CTDSPL2: variants seen among roughly 807,000 people sequenced by gnomAD.
CTDSPL2 encodes the protein CTD small phosphatase-like protein 2.
A neutral mutation model predicts 60.0 loss-of-function variants in CTDSPL2; 5 were observed. The ratio of observed to expected loss-of-function variants is 0.08; its 90% CI spans 0.04 to 0.18. The LOEUF (loss-of-function observed/expected upper bound fraction) is 0.18, where lower values mean the gene tolerates loss of function less well. CTDSPL2 is among the 10% of genes least tolerant of loss of function. The pLI is 1.00. For missense variants in CTDSPL2, 370 were observed against 548.8 expected (o/e 0.67, Z 3.26); for synonymous variants, 186 against 189.3 (o/e 0.98, Z 0.14).
intron 2 of CTDSPL2, among the ~76,000 whole-genome samples, chr15:44,463,066 C>G (rs1028621647): frequency 6.6e-5 from 10 of 152,074 alleles, no homozygotes; most frequent in Non-Finnish European, 1.2e-4. Flanking sequence ...TTAGCTAAAT[C>G]TAAGATCTTT....
intron 1 of CTDSPL2, among the ~76,000 whole-genome samples, chr15:44,438,298 A>G (rs557749887): frequency 2.0e-5 from 3 of 152,200 alleles, no homozygotes; most frequent in African/African-American, 7.2e-5. Flanking sequence ...AGCAAATAGC[A>G]ATGAAAACAG....
At chr15:44,504,549 T>C (rs2081427797) in intron 8 of CTDSPL2, among the ~76,000 whole-genome samples, 1 of 152,180 alleles carries the variant, frequency 6.6e-6, no homozygotes, top group Non-Finnish European at 1.5e-5. Context: ...TGCACATTGT[T>C]CTTGAGATTC....
intron 2 of CTDSPL2, among the ~76,000 whole-genome samples, chr15:44,479,077 CAAAA>C (rs528316321): frequency 2.9e-5 from 4 of 137,576 alleles, no homozygotes; most frequent in Non-Finnish European, 6.4e-5. Flanking sequence ...AACAAACAAA[CAAAA>C]AAAAAAAAAC....
intron 8 of CTDSPL2, among the ~76,000 whole-genome samples, chr15:44,506,712 G>T (rs1054918895): frequency 1.3e-5 from 2 of 151,816 alleles, no homozygotes; most frequent in African/African-American, 4.8e-5. Flanking sequence ...ACCGTGCCCT[G>T]CCTGTACTCT....
At chr15:44,437,298 G>A (rs545502075) in intron 1 of CTDSPL2, among the ~76,000 whole-genome samples, 4 of 152,292 alleles carry the variant, frequency 2.6e-5, no homozygotes, top group East Asian at 3.9e-4. Flanking sequence ...AATTTGTTGA[G>A]AATTCTTCAT....
At chr15:44,431,863 G>A (rs141993922) in intron 1 of CTDSPL2, among the ~76,000 whole-genome samples, 3,536 of 151,398 alleles carry the variant, frequency 0.023, 85 homozygotes, top group East Asian at 0.1. Flanking sequence ...GATTACAGGC[G>A]CCCACCACGA....
intron 1 of CTDSPL2, among the ~76,000 whole-genome samples, chr15:44,446,869 C>T (rs1364507807): frequency 6.6e-6 from 1 of 150,406 alleles, no homozygotes; most frequent in East Asian, 2.0e-4. Flanking sequence ...ATTCTCCTGC[C>T]TCAGCCTCCC....
Position 44,521,956 on chromosome 15 carries a change from A to AC in CTDSPL2, c.1335+550_1335+551insC, listed in dbSNP as rs1256199429. Among the ~76,000 whole-genome samples, 225 of 150,046 alleles carry AC rather than the reference A, an allele frequency of 1.5e-3. 1 individual carries two copies. The highest frequency in any genetic ancestry group is 2.6e-3 in the Admixed American group (39 of 14,966). ...CCGTCTCAAAAAAAAAAAAAAAAAA[A>AC]AAAAAAACATGATGATGATGATGAT... is the stretch of plus-strand genomic sequence containing the variant. On this transcript the variant is annotated intron_variant, in intron 12 of 12. Transcript: ENST00000260327.
At chr15:44,445,172 G>A (rs2080183898) in intron 1 of CTDSPL2, among the ~76,000 whole-genome samples, 1 of 151,122 alleles carries the variant, frequency 6.6e-6, no homozygotes, top group African/African-American at 2.4e-5. Flanking sequence ...TGTATAATAG[G>A]TTAGGTTCCA....
At chr15:44,434,090 A>T (rs187380649) in intron 1 of CTDSPL2, among the ~76,000 whole-genome samples, 3,302 of 151,676 alleles carry the variant, frequency 0.022, 48 homozygotes, top group East Asian at 0.07. Flanking sequence ...TTATTTATTT[A>T]TTTATTTTTT....
At chr15:44,478,955 T>A (rs2080973587) in intron 2 of CTDSPL2, among the ~76,000 whole-genome samples, 1 of 152,136 alleles carries the variant, frequency 6.6e-6, no homozygotes, top group Admixed American at 6.6e-5. Flanking sequence ...CTGTCTAGCC[T>A]GTCTCAAAAA....
intron 1 of CTDSPL2, among the ~76,000 whole-genome samples, chr15:44,431,193 T>C (rs2079850178): frequency 6.6e-6 from 1 of 150,742 alleles, no homozygotes; most frequent in Non-Finnish European, 1.5e-5. Flanking sequence ...ACTCCTAGGC[T>C]CAAGTGATTC....
At chr15:44,477,077 G>A (rs1292008129) in intron 2 of CTDSPL2, among the ~76,000 whole-genome samples, 1 of 152,138 alleles carries the variant, frequency 6.6e-6, no homozygotes, top group East Asian at 1.9e-4. Flanking sequence ...TTTTAAAAAC[G>A]AATTAGTCAA....
At chr15:44,442,670 A>G (rs945706096) in intron 1 of CTDSPL2, among the ~76,000 whole-genome samples, 1 of 151,464 alleles carries the variant, frequency 6.6e-6, no homozygotes, top group African/African-American at 2.4e-5. Flanking sequence ...TGTTCACAGT[A>G]GTTGGTTAGC....
chr15:44,480,185 A>AC (rs1248180554), intron 2 of CTDSPL2, among the ~76,000 whole-genome samples: 1 of 150,994 alleles, frequency 6.6e-6, no homozygotes, highest in Non-Finnish European at 1.5e-5. Flanking sequence ...CTAGCCATAG[A>AC]CCCCCTATGC....
intron 2 of CTDSPL2, among the ~76,000 whole-genome samples, chr15:44,463,205 G>A (rs747655628): frequency 1.3e-5 from 2 of 151,720 alleles, no homozygotes; most frequent in Non-Finnish European, 2.9e-5. Flanking sequence ...GCAGTGGCAC[G>A]ATGTCAGCTC....
chr15:44,506,412 C>CTTTTTTTTTTTTTTTTTTTTTTTTTTTT (rs764238056), intron 8 of CTDSPL2, among the ~76,000 whole-genome samples: 6 of 112,392 alleles, frequency 5.3e-5, no homozygotes, highest in South Asian at 3.0e-4. Flanking sequence ...CCTACTTTGA[C>CTTTTTTTTTTTTTTTTTTTTTTTTTTTT]TTTTTTTTTT....
At chr15:44,444,847 T>G (rs1188672519) in intron 1 of CTDSPL2, among the ~76,000 whole-genome samples, 2 of 122,032 alleles carry the variant, frequency 1.6e-5, no homozygotes, top group Non-Finnish European at 3.3e-5. Context: ...TTTTTTTTTT[T>G]TTTTTTTTTT....
intron 1 of CTDSPL2, chr15:44,448,128 C>A: frequency 3.9e-6 from 1 of 256,334 alleles, no homozygotes; most frequent in South Asian, 4.1e-5. Flanking sequence ...CTGCAGGAAC[C>A]ATGCACTCCA....
Sources: gnomAD v4.1 joint callset for allele counts (sites outside exome capture counted in the v4.1 genomes callset) on GRCh38, gnomAD v4.1.1 for gene constraint, MANE v1.5 for transcripts, NCBI Gene and HGNC (gene_info 2026-07-23, HGNC 2026-07-21) for gene names.